IRAK1BP1: variants seen among roughly 807,000 people sequenced by gnomAD.
The protein encoded by IRAK1BP1 is interleukin-1 receptor-associated kinase 1-binding protein 1.
A neutral mutation model predicts 28.0 loss-of-function variants in IRAK1BP1; 24 were observed. That is an observed-to-expected ratio of 0.86 (90% CI 0.62 to 1.20). IRAK1BP1 has a LOEUF of 1.20. Among genes scored for constraint, IRAK1BP1 ranks in the 50% most tolerant of loss-of-function variants. IRAK1BP1 has a pLI of 0.00. For missense variants in IRAK1BP1, 336 were observed against 316.7 expected, an observed-to-expected ratio of 1.06 and a Z score of -0.46; for synonymous variants, 131 against 116.3, an observed-to-expected ratio of 1.13 and a Z score of -0.81.
chr6:78,945,888 AAAC>A (rs1773784673), exon 5 of IRAK1BP1: 1 of 765,122 alleles, frequency 1.3e-6, no homozygotes, highest in South Asian at 1.9e-5. Context: ...AAGAAGGCAA[AAAC>A]AACAGTGTCT....
chr6:78,891,964 CATATATAGGCATGAAT>C (rs1433606792), intron 2 of IRAK1BP1, among the ~76,000 whole-genome samples: 1 of 152,014 alleles, frequency 6.6e-6, no homozygotes, highest in Non-Finnish European at 1.5e-5. Flanking sequence ...ATATTTTATA[CATATATAGGCATGAAT>C]ATATAAGACT....
chr6:78,978,688 A>T, the IRAK1BP1 span: 3 of 1,596,132 alleles, frequency 1.9e-6, no homozygotes, highest in Non-Finnish European at 2.6e-6. Flanking sequence ...AACCATTTTC[A>T]GTTAGTTCTC....
chr6:78,880,730 A>G (rs1003818232), intron 1 of IRAK1BP1, among the ~76,000 whole-genome samples: 52 of 152,354 alleles, frequency 3.4e-4, no homozygotes, highest in African/African-American at 1.2e-3. Context: ...CTTAACAGAC[A>G]CTTCGCCAAG....
intron 1 of IRAK1BP1, chr6:78,871,362 C>G (rs939379945): frequency 1.0e-6 from 1 of 985,190 alleles, no homozygotes; most frequent in Non-Finnish European, 1.2e-6. Flanking sequence ...CCCCTTTAAC[C>G]CATTGCAGTA....
the IRAK1BP1 span, chr6:78,954,743 A>C: frequency 2.2e-6 from 2 of 914,512 alleles, no homozygotes; most frequent in Non-Finnish European, 3.3e-6. Context: ...AAGTAACTAA[A>C]ATAGCCAACT....
At chr6:78,953,512 C>G in the IRAK1BP1 span, among the ~76,000 whole-genome samples, 4 of 152,116 alleles carry the variant, frequency 2.6e-5, no homozygotes, top group Non-Finnish European at 5.9e-5. Flanking sequence ...TGTGAAAACA[C>G]AGAGAGAAAT....
chr6:78,927,355 G>T (rs1682380006), intron 4 of IRAK1BP1, among the ~76,000 whole-genome samples: 1 of 152,026 alleles, frequency 6.6e-6, no homozygotes, highest in African/African-American at 2.4e-5. Context: ...TCTGAGAAAT[G>T]TCTATTCAAA....
At chr6:78,883,408 T>A (rs1771301482) in intron 1 of IRAK1BP1, among the ~76,000 whole-genome samples, 1 of 152,224 alleles carries the variant, frequency 6.6e-6, no homozygotes, top group Non-Finnish European at 1.5e-5. Context: ...TATTACTTTT[T>A]GATTATTTTC....
chr6:78,932,378 G>A (rs116878744), intron 4 of IRAK1BP1, among the ~76,000 whole-genome samples: 1 of 151,266 alleles, frequency 6.6e-6, no homozygotes, highest in East Asian at 1.9e-4. Flanking sequence ...AGGAATCTCT[G>A]AAAGCTATAG....
chr6:78,965,732 G>T, the IRAK1BP1 span: 1 of 1,575,400 alleles, frequency 6.3e-7, no homozygotes, highest in Non-Finnish European at 8.7e-7. Flanking sequence ...CATATCCCAA[G>T]GACTCATCTT....
intron 4 of IRAK1BP1, among the ~76,000 whole-genome samples, chr6:78,920,026 C>G (rs946920346): frequency 1.3e-5 from 2 of 152,144 alleles, no homozygotes; most frequent in African/African-American, 4.8e-5. Flanking sequence ...GAGGCCAAGA[C>G]AGGTGGATCA....
At chr6:78,946,103 G>T (rs1773798418) in exon 5 of IRAK1BP1, 1 of 1,613,584 alleles carries the variant, frequency 6.2e-7, no homozygotes, top group Admixed American at 1.7e-5. Context: ...ACAACCACTC[G>T]GTTGCTTCTG....
chr6:78,893,310 G>GTATATA (rs1562085762), intron 2 of IRAK1BP1, among the ~76,000 whole-genome samples: 6 of 71,118 alleles, frequency 8.4e-5, no homozygotes, highest in Admixed American at 2.1e-4. Flanking sequence ...GTGTGTGTGT[G>GTATATA]TGTGTATATA....
At chr6:78,970,667 A>G in the IRAK1BP1 span, 2 of 668,822 alleles carry the variant, frequency 3.0e-6, no homozygotes, top group Non-Finnish European at 5.1e-6. Context: ...TCAATTAAAC[A>G]AGGTATCTTC....
At chr6:78,894,830 C>T (rs912708825) in intron 2 of IRAK1BP1, among the ~76,000 whole-genome samples, 13 of 152,000 alleles carry the variant, frequency 8.6e-5, no homozygotes, top group Non-Finnish European at 1.2e-4. Flanking sequence ...AGTATTTGGC[C>T]GGGCGCAGTG....
intron 4 of IRAK1BP1, among the ~76,000 whole-genome samples, chr6:78,925,332 C>G (rs1173798868): frequency 6.6e-6 from 1 of 151,824 alleles, no homozygotes; most frequent in Non-Finnish European, 1.5e-5. Context: ...AGAAAAAAAT[C>G]CACAAGCAAA....
At chr6:78,893,314 GTATATATATATATATATATATA>G (rs60728695) in intron 2 of IRAK1BP1, among the ~76,000 whole-genome samples, 3 of 103,432 alleles carry the variant, frequency 2.9e-5, no homozygotes, top group African/African-American at 6.8e-5. Flanking sequence ...GTGTGTGTGT[GTATATATATATATATATATATA>G]TATATATATA....
chr6:78,884,535 G>A (rs549002557), intron 1 of IRAK1BP1, among the ~76,000 whole-genome samples: 53 of 152,180 alleles, frequency 3.5e-4, no homozygotes, highest in Non-Finnish European at 6.9e-4. Context: ...CAGGTTAGAT[G>A]TTTCAATAAA....
At chr6:78,890,941 A>G (rs1032695154) in intron 2 of IRAK1BP1, among the ~76,000 whole-genome samples, 5 of 152,158 alleles carry the variant, frequency 3.3e-5, no homozygotes, top group Non-Finnish European at 5.9e-5. Flanking sequence ...GTCTCAAAAC[A>G]TTTCCCTACC....
Sources: allele counts gnomAD v4.1 joint callset (sites outside exome capture counted in the v4.1 genomes callset), GRCh38; gene constraint gnomAD v4.1.1; transcripts MANE v1.5; gene names NCBI Gene and HGNC (gene_info 2026-07-23, HGNC 2026-07-21).